Variants in NUP93 observed in about 807,000 individuals in gnomAD.
NUP93 encodes nuclear pore complex protein Nup93.
A neutral mutation model predicts 107.8 loss-of-function variants in NUP93; 55 were observed. That is an observed-to-expected ratio of 0.51 (90% confidence interval 0.41 to 0.64). NUP93 has a LOEUF of 0.64. NUP93 is among the 30% of genes least tolerant of loss of function. NUP93 has a pLI of 0.00. For missense variants in NUP93, 937 were observed against 1,044.7 expected, an observed-to-expected ratio of 0.90 and a Z score of 1.42; for synonymous variants, 390 against 397.5, an observed-to-expected ratio of 0.98 and a Z score of 0.22.
At chr16:56,751,685 A>G (rs146620876) in intron 2 of NUP93, among the ~76,000 whole-genome samples, 23 of 152,306 alleles carry the variant, frequency 1.5e-4, no homozygotes, top group African/African-American at 4.8e-4. Context: ...ATTTTCAGTG[A>G]GTGACAGGTG....
At position 56,815,952 on chromosome 16, in the gene NUP93, A is replaced by G. The variant is rs531887649; in HGVS notation, c.490-2712A>G. Among the ~76,000 whole-genome samples, 5 of 149,276 alleles carry G rather than the reference A, an allele frequency of 3.3e-5. No homozygotes were observed. In the South Asian group the frequency reaches 1.0e-3, roughly 31 times the overall value. Reference sequence around the variant, plus strand: ...TGCTACCACTACTACTACTACTACCACTACTACTACTCTCTACTGTTCTGT... The same window carrying G: ...TGCTACCACTACTACTACTACTACCGCTACTACTACTCTCTACTGTTCTGT... On this transcript the variant is annotated intron_variant, in intron 5 of 21. Transcript: ENST00000308159.
chr16:56,740,150 G>T (rs1475797005), intron 1 of NUP93, among the ~76,000 whole-genome samples: 3 of 147,240 alleles, frequency 2.0e-5, no homozygotes, highest in African/African-American at 5.1e-5. Context: ...CCTCCCGGAC[G>T]GGGTGGCTGC....
At chr16:56,759,590 A>G (rs1389046183) in intron 3 of NUP93, among the ~76,000 whole-genome samples, 2 of 152,218 alleles carry the variant, frequency 1.3e-5, no homozygotes, top group African/African-American at 4.8e-5. Flanking sequence ...ATGAGAATCC[A>G]GTTTTTCCAG....
At chr16:56,756,925 G>T (rs1962035490) in intron 2 of NUP93, among the ~76,000 whole-genome samples, 1 of 151,974 alleles carries the variant, frequency 6.6e-6, no homozygotes, top group African/African-American at 2.4e-5. Context: ...ATGTTTGTTG[G>T]CTGCATAAAT....
At chr16:56,831,638 G>A in intron 10 of NUP93, 1 of 523,580 alleles carries the variant, frequency 1.9e-6, no homozygotes, top group Non-Finnish European at 3.4e-6. Flanking sequence ...AAACCGGCAG[G>A]CCAATAGATA....
chr16:56,815,899 G>GCTGCTGCTGCTGCTGC (rs1555495759), intron 5 of NUP93, among the ~76,000 whole-genome samples: 2 of 95,984 alleles, frequency 2.1e-5, no homozygotes, highest in Admixed American at 1.1e-4. Context: ...GCTGCTGCTG[G>GCTGCTGCTGCTGCTGC]TGCTGCTGCT....
intron 5 of NUP93, 83 bp downstream of exon 5, chr16:56,805,715 C>A: frequency 7.1e-7 from 1 of 1,404,282 alleles, no homozygotes; most frequent in South Asian, 1.3e-5. Context: ...GTATTTTTGG[C>A]ACAGTGGATC....
chr16:56,748,538 G>T, intron 2 of NUP93, 112 bp downstream of exon 2: 1 of 889,798 alleles, frequency 1.1e-6, no homozygotes, highest in Non-Finnish European at 1.6e-6. Context: ...CCACTAGCCA[G>T]ATTCTTGGGA....
intron 3 of NUP93, among the ~76,000 whole-genome samples, chr16:56,770,926 A>T (rs1181915200): frequency 6.6e-6 from 1 of 152,100 alleles, no homozygotes; most frequent in Non-Finnish European, 1.5e-5. Context: ...AAAGAAAAAA[A>T]CACGTGACCC....
intron 1 of NUP93, among the ~76,000 whole-genome samples, chr16:56,738,087 C>A (rs1961641417): frequency 6.6e-6 from 1 of 152,206 alleles, no homozygotes; most frequent in Non-Finnish European, 1.5e-5. Flanking sequence ...GGCTGTTTCC[C>A]AGGAAGCATC....
chr16:56,807,911 A>G (rs1336803824), intron 5 of NUP93, among the ~76,000 whole-genome samples: 9 of 150,706 alleles, frequency 6.0e-5, no homozygotes, highest in Non-Finnish European at 1.3e-4. Context: ...AATCCCAGCT[A>G]CTCCAGGGGC....
At chr16:56,755,967 T>A (rs1962010663) in intron 2 of NUP93, among the ~76,000 whole-genome samples, 1 of 152,126 alleles carries the variant, frequency 6.6e-6, no homozygotes, top group African/African-American at 2.4e-5. Context: ...TCCTGCTACT[T>A]GGGAGGCTGA....
At chr16:56,807,824 C>G (rs1423679748) in intron 5 of NUP93, among the ~76,000 whole-genome samples, 1 of 151,622 alleles carries the variant, frequency 6.6e-6, no homozygotes, top group African/African-American at 2.4e-5. Flanking sequence ...AAATCAAGAC[C>G]ATCCTGGCCA....
chr16:56,834,260 ATT>A lies in NUP93; in HGVS notation c.1664+8_1664+9del. 6.2e-7 allele frequency: 1 copy of A among 1,613,902 alleles called. No homozygotes were observed. Among genetic ancestry groups the A allele is most frequent in the Non-Finnish European group, 8.5e-7 (1 of 1,179,820 alleles). ...CAGTACTTCTATTTCCTCAGGTAAC[ATT>A]TGCTTTTGACCATTTACTTCAGCTA... is the stretch of plus-strand genomic sequence containing the variant. On this transcript the variant is annotated splice_region_variant and intron_variant, in intron 14 of 21. Transcript: ENST00000308159.
At chr16:56,835,216 T>G (rs1312303634) in intron 16 of NUP93, among the ~76,000 whole-genome samples, 1 of 152,200 alleles carries the variant, frequency 6.6e-6, no homozygotes, top group Non-Finnish European at 1.5e-5. Flanking sequence ...ACCCTGGAAA[T>G]ACTTCTGGAA....
In NUP93 at chr16:56,840,641, C is replaced by T. The variant is rs190828804; in HGVS notation, c.2220+1037C>T. On this transcript the variant is annotated intron_variant, in intron 20 of 21. Coordinates refer to ENST00000308159, the MANE Select transcript of NUP93 (RefSeq NM_014669.5). ...AGACTCTAGAACCAGCTGCCTGGCT[C>T]TGGGATGTCACTAGTGGTCTTTCAG... Among the ~76,000 whole-genome samples, 65 of 152,314 alleles carry T rather than the reference C, an allele frequency of 4.3e-4. 1 individual carries two copies. In the South Asian group the frequency reaches 6.8e-3, roughly 16 times the overall value.
intron 5 of NUP93, among the ~76,000 whole-genome samples, chr16:56,814,236 G>A (rs1433372341): frequency 1.3e-5 from 2 of 151,972 alleles, no homozygotes; most frequent in Non-Finnish European, 2.9e-5. Flanking sequence ...GTTGGAATGC[G>A]GTGGCGCAAT....
chr16:56,748,561 T>C, intron 2 of NUP93, 135 bp downstream of exon 2: 1 of 749,438 alleles, frequency 1.3e-6, no homozygotes, highest in Non-Finnish European at 2.1e-6. Flanking sequence ...TCAGAAAGTG[T>C]TGTAAACAGG....
intron 2 of NUP93, among the ~76,000 whole-genome samples, chr16:56,755,478 T>C (rs1046710973): frequency 7.0e-6 from 1 of 143,800 alleles, no homozygotes; most frequent in African/African-American, 2.6e-5. Context: ...TGGGGGGAAA[T>C]GGGGAATCAC....
Sources: allele counts gnomAD v4.1 joint callset (sites outside exome capture counted in the v4.1 genomes callset), GRCh38; gene constraint gnomAD v4.1.1; transcripts MANE v1.5; gene names NCBI Gene and HGNC (gene_info 2026-07-23, HGNC 2026-07-21).